TRIM2: variants seen among roughly 807,000 people sequenced by gnomAD.
TRIM2 encodes tripartite motif containing 2.
In TRIM2, 20 loss-of-function variants were observed where a neutral mutation model predicts 75.2. The observed-to-expected ratio is 0.27, with a 90% CI of 0.19 to 0.39. The LOEUF (loss-of-function observed/expected upper bound fraction) is 0.39, where lower values mean the gene tolerates loss of function less well. Ranked by LOEUF, TRIM2 falls within the 10% of genes least tolerant of loss-of-function variation. The probability of loss-of-function intolerance (pLI) is 1.00; values close to 1 mark genes in which losing one functional copy is unlikely to be tolerated. For synonymous variants in TRIM2, 373 were observed against 388.3 expected (o/e 0.96, Z 0.46); for missense variants, 660 against 990.8 (o/e 0.67, Z 4.48).
Position 153,295,441 on chromosome 4 carries a change from C to T in TRIM2, c.915C>T (p.Ser305=), listed in dbSNP as rs570315105. ...TCCTACTGGTGAAGAAGCAGATGAGCGAGAAGCTGAACGAGCTGGCCGACC... is the reference window on the plus strand; with the variant it reads ...TCCTACTGGTGAAGAAGCAGATGAGTGAGAAGCTGAACGAGCTGGCCGACC... The part of the protein sequence containing the change: ...TEVLLVKKQM[S]EKLNELADQD... The change falls in exon 6 of 12, where the codon AGC becomes AGT. Residue 305 remains serine, a synonymous_variant. Coordinates refer to ENST00000338700, the MANE Select transcript of TRIM2 (RefSeq NM_015271.5). This position sits in a 1 kb window ranked among gnomAD's most constrained non-coding sequence, Gnocchi z 7.2. The T allele has an allele frequency of 9.6e-5, 155 of 1,614,142 alleles. No homozygotes were observed. In the South Asian group the frequency reaches 1.5e-3, roughly 16 times the overall value.
chr4:153,304,403 C>T (rs1306521180), intron 6 of TRIM2, among the ~76,000 whole-genome samples: 1 of 152,072 alleles, frequency 6.6e-6, no homozygotes, highest in African/African-American at 2.4e-5. Flanking sequence ...CGTGAGCCAC[C>T]ATGCCCGGCC....
chr4:153,234,787 A>G (rs750116752), intron 1 of TRIM2, among the ~76,000 whole-genome samples: 2 of 152,178 alleles, frequency 1.3e-5, no homozygotes, highest in Non-Finnish European at 2.9e-5. Flanking sequence ...TTTTTATTCA[A>G]TGCCCAGACC....
At chr4:153,243,244 C>T (rs1747141869) in intron 1 of TRIM2, among the ~76,000 whole-genome samples, 1 of 152,240 alleles carries the variant, frequency 6.6e-6, no homozygotes, top group East Asian at 1.9e-4. Context: ...CTGAAGCCCC[C>T]CACACAATTG....
intron 6 of TRIM2, among the ~76,000 whole-genome samples, chr4:153,302,605 CAT>C (rs1383051373): frequency 7.9e-5 from 12 of 152,272 alleles, no homozygotes; most frequent in African/African-American, 2.6e-4. Context: ...GAGGAGAAGA[CAT>C]GATTGTTATT....
chr4:153,204,699 CTG>C, intron 1 of TRIM2, 139 bp downstream of exon 1: 1 of 1,142,750 alleles, frequency 8.8e-7, no homozygotes. Context: ...AAGGAAAAGA[CTG>C]GGATTTGCTG....
intron 6 of TRIM2, among the ~76,000 whole-genome samples, chr4:153,296,483 C>A (rs1762795776): frequency 6.6e-6 from 1 of 152,214 alleles, no homozygotes; most frequent in African/African-American, 2.4e-5. Context: ...GTTGGCAGAG[C>A]ATGTGATGCC....
intron 1 of TRIM2, among the ~76,000 whole-genome samples, chr4:153,177,295 C>T (rs964045147): frequency 2.0e-5 from 3 of 152,214 alleles, no homozygotes; most frequent in Non-Finnish European, 4.4e-5. Flanking sequence ...AGTCTCATGA[C>T]CACAGATAGC....
At chr4:153,244,348 CTTCTTCCTCTTCTTCT>C (rs1321180416) in intron 1 of TRIM2, among the ~76,000 whole-genome samples, 1 of 35,330 alleles carries the variant, frequency 2.8e-5, no homozygotes, top group Admixed American at 4.2e-4. Flanking sequence ...TCTTCTTCTT[CTTCTTCCTCTTCTTCT>C]TCTTCTTCTT....
At chr4:153,175,545 G>C (rs1483013644) in intron 1 of TRIM2, among the ~76,000 whole-genome samples, 1 of 152,130 alleles carries the variant, frequency 6.6e-6, no homozygotes, top group Non-Finnish European at 1.5e-5. Flanking sequence ...CCATGGACAG[G>C]GCCTGGGTGG....
rs1772406520 is a variant in TRIM2 at position 153,336,074 on chromosome 4, T to G, written c.*1108T>G. 1 of 985,426 alleles carries G rather than the reference T, an allele frequency of 1.0e-6. No individual in the cohort carries two copies. Among genetic ancestry groups the G allele is most frequent in the African/African-American group, 1.8e-5 (1 of 57,126 alleles). 61.0% of individuals were successfully genotyped at this position (985,426 alleles called of 1,614,324 possible). A position where few individuals can be genotyped will look rare whatever the true frequency, so the allele number is the denominator to read the frequency against. ...CATTGTTTAATGAATAGTAGAGGTG[T>G]CAAGGGACTATGTATACATGATTAG... On this transcript the variant is annotated 3_prime_UTR_variant, in exon 12 of 12. Transcript: ENST00000338700.
chr4:153,255,405 G>A (rs982424388), intron 1 of TRIM2, among the ~76,000 whole-genome samples: 1 of 152,222 alleles, frequency 6.6e-6, no homozygotes, highest in African/African-American at 2.4e-5. Context: ...GAATGAGAGA[G>A]ATCAGGACAA....
chr4:153,270,937 G>A (rs1016159866), intron 2 of TRIM2, among the ~76,000 whole-genome samples: 63 of 152,116 alleles, frequency 4.1e-4, no homozygotes, highest in Non-Finnish European at 3.7e-4. Context: ...TACTTCAAAA[G>A]GTATAGCTTC....
chr4:153,241,554 G>A (rs72965060), intron 1 of TRIM2, among the ~76,000 whole-genome samples: 6,428 of 152,256 alleles, frequency 0.042, 438 homozygotes, highest in African/African-American at 0.15. Context: ...AGTCAGGAGG[G>A]TTAGGAAGGC....
chr4:153,257,572 G>A, intron 1 of TRIM2: 1 of 1,289,834 alleles, frequency 7.8e-7, no homozygotes, highest in South Asian at 1.2e-5. Context: ...TAGAGCAGAA[G>A]ATATGCTGGG....
At chr4:153,314,248 G>A (rs993251801) in intron 6 of TRIM2, among the ~76,000 whole-genome samples, 1 of 144,536 alleles carries the variant, frequency 6.9e-6, no homozygotes, top group African/African-American at 2.9e-5. Context: ...GTGAAACCCT[G>A]TCTCTACTAA....
chr4:153,273,270 C>CATTTTTTTTTTTTTTTTTTTTT (rs1757187818), intron 2 of TRIM2, among the ~76,000 whole-genome samples: 15 of 57,386 alleles, frequency 2.6e-4, no homozygotes, highest in African/African-American at 1.0e-3. Context: ...TACAGTCACT[C>CATTTTTTTTTTTTTTTTTTTTT]TTTTTTTTTT....
At chr4:153,224,463 A>G (rs1285862259) in intron 1 of TRIM2, among the ~76,000 whole-genome samples, 1 of 152,128 alleles carries the variant, frequency 6.6e-6, no homozygotes, top group Non-Finnish European at 1.5e-5. Context: ...TCATTAACTC[A>G]TTCTTTTAAC....
chr4:153,302,425 G>A (rs1405349564), intron 6 of TRIM2, among the ~76,000 whole-genome samples: 1 of 152,170 alleles, frequency 6.6e-6, no homozygotes, highest in Admixed American at 6.5e-5. Flanking sequence ...TGACAGTTTG[G>A]GATGATAGAT....
intron 1 of TRIM2, among the ~76,000 whole-genome samples, chr4:153,235,647 G>C (rs1384157580): frequency 2.0e-5 from 3 of 152,200 alleles, no homozygotes; most frequent in Non-Finnish European, 4.4e-5. Flanking sequence ...ATACAGAGTA[G>C]TTAATAAATG....
Sources: gnomAD v4.1 joint callset for allele counts (sites outside exome capture counted in the v4.1 genomes callset) on GRCh38, gnomAD v4.1.1 for gene constraint, Gnocchi (gnomAD v3.1) non-coding constraint, MANE v1.5 for transcripts, NCBI Gene and HGNC (gene_info 2026-07-23, HGNC 2026-07-21) for gene names.